PRKN: variants seen among roughly 807,000 people sequenced by gnomAD.
PRKN encodes the protein E3 ubiquitin-protein ligase parkin.
In PRKN, 56 loss-of-function variants were observed where a neutral mutation model predicts 59.5. The observed-to-expected ratio is 0.94, with a 90% CI of 0.76 to 1.18. The LOEUF is 1.18. Among genes scored for constraint, PRKN ranks in the 50% most tolerant of loss-of-function variants. The pLI, the probability that PRKN is intolerant of heterozygous loss-of-function variation, is 0.00. For missense variants in PRKN, 657 were observed against 596.4 expected (o/e 1.10, Z -1.06); for synonymous variants, 250 against 222.1 (o/e 1.13, Z -1.12).
intron 6 of PRKN, among the ~76,000 whole-genome samples, chr6:161,796,044 TC>T (rs1423764337): frequency 6.6e-6 from 1 of 152,166 alleles, no homozygotes; most frequent in East Asian, 1.9e-4. Flanking sequence ...TTATATAATA[TC>T]CCAAGTGTGG....
rs1002646211 is a variant in PRKN at position 162,061,074 on chromosome 6, T to A, written c.535-6900A>T. On this transcript the variant is annotated intron_variant, in intron 4 of 11. Transcript: ENST00000366898. ...TCTATCTGTGTCTGCAACAAAATGA[T>A]ACAAAGAAGGAGCTTTGAAGTTCAC... Among the ~76,000 whole-genome samples the A allele has an allele frequency of 3.9e-5, 6 of 152,296 alleles. No individual in the cohort carries two copies. The East Asian group carries it at 9.6e-4, about 24-fold the overall frequency.
intron 1 of PRKN, among the ~76,000 whole-genome samples, chr6:162,559,781 C>A (rs916601203): frequency 6.6e-6 from 1 of 152,134 alleles, no homozygotes; most frequent in Non-Finnish European, 1.5e-5. Flanking sequence ...TATTCCTTAC[C>A]AATAAGCAAC....
At chr6:162,611,986 C>A (rs2846537) in intron 1 of PRKN, among the ~76,000 whole-genome samples, 1 of 150,688 alleles carries the variant, frequency 6.6e-6, no homozygotes, top group Admixed American at 6.6e-5. Flanking sequence ...GAGATCGAGA[C>A]CATCCTGGCT....
At chr6:162,619,047 C>A (rs1782546468) in intron 1 of PRKN, among the ~76,000 whole-genome samples, 1 of 151,906 alleles carries the variant, frequency 6.6e-6, no homozygotes, top group South Asian at 2.1e-4. Flanking sequence ...AATAACTTTA[C>A]AAAACAAACT....
rs1404182355 is a variant in PRKN at position 161,371,553 on chromosome 6, A to C, written c.1168-11348T>G. Among the ~76,000 whole-genome samples the C allele has an allele frequency of 6.6e-6, 1 of 152,064 alleles. No individual in the cohort carries two copies. The highest frequency in any genetic ancestry group is 1.5e-5 in the Non-Finnish European group (1 of 68,024). ...AGGGCTCCGGGGAATACAAGGCTAC[A>C]CTGTAAGCAATACAAGGCTACTCCA... On this transcript the variant is annotated intron_variant, in intron 10 of 11. Coordinates refer to ENST00000366898, the MANE Select transcript of PRKN (RefSeq NM_004562.3). This position sits in a 1 kb window ranked among gnomAD's most constrained non-coding sequence, Gnocchi z 5.5.
In PRKN at chr6:162,254,328, G is replaced by C. The variant is rs1001695180; in HGVS notation, c.412+8197C>G. On this transcript the variant is annotated intron_variant, in intron 3 of 11. Coordinates refer to ENST00000366898, the MANE Select transcript of PRKN (RefSeq NM_004562.3). ...AAAAATTAGCTGGGCATGGTGGTGG[G>C]TGCCTGTAATCCCAGCTTCTCTGGA... Among the ~76,000 whole-genome samples, 24 of 151,838 alleles carry C rather than the reference G, an allele frequency of 1.6e-4. No individual in the cohort carries two copies. The South Asian group carries it at 2.1e-3, about 13-fold the overall frequency.
At chr6:161,970,230 C>T (rs773751627) in intron 6 of PRKN, among the ~76,000 whole-genome samples, 5 of 151,580 alleles carry the variant, frequency 3.3e-5, no homozygotes. Context: ...TTTGTAGGGA[C>T]AGGGTCTTGC....
intron 1 of PRKN, among the ~76,000 whole-genome samples, chr6:162,679,348 C>T (rs1400969028): frequency 6.6e-6 from 1 of 152,074 alleles, no homozygotes; most frequent in Non-Finnish European, 1.5e-5. Flanking sequence ...AAGTGATCCG[C>T]CCACCTCGGC....
chr6:161,852,103 T>G (rs1309536077), intron 6 of PRKN, among the ~76,000 whole-genome samples: 1 of 120,354 alleles, frequency 8.3e-6, no homozygotes, highest in Non-Finnish European at 1.7e-5. Context: ...AAAAAAAAAA[T>G]TAATTGTTAC....
chr6:162,181,317 C>A (rs1318586991), intron 4 of PRKN, among the ~76,000 whole-genome samples: 2 of 152,170 alleles, frequency 1.3e-5, no homozygotes, highest in African/African-American at 4.8e-5. Context: ...TTGCATATTT[C>A]TTTGCTATTT....
At chr6:162,017,977 G>C (rs1262999732) in intron 5 of PRKN, among the ~76,000 whole-genome samples, 10 of 152,152 alleles carry the variant, frequency 6.6e-5, no homozygotes, top group Admixed American at 6.5e-4. Flanking sequence ...TGACCCTGCG[G>C]GAAAGATCTG....
chr6:161,532,911 C>T (rs1779277466), intron 9 of PRKN, among the ~76,000 whole-genome samples: 1 of 152,108 alleles, frequency 6.6e-6, no homozygotes, highest in South Asian at 2.1e-4. Flanking sequence ...CAATATGAAA[C>T]CCTCTTATAC....
intron 2 of PRKN, among the ~76,000 whole-genome samples, chr6:162,324,434 G>A (rs1221592287): frequency 3.3e-5 from 5 of 152,102 alleles, no homozygotes; most frequent in African/African-American, 9.7e-5. Flanking sequence ...ATTGTATGTT[G>A]ATTATGCCTC....
chr6:162,313,305 A>G (rs545426226), intron 2 of PRKN, among the ~76,000 whole-genome samples: 3 of 151,898 alleles, frequency 2.0e-5, no homozygotes, highest in Non-Finnish European at 4.4e-5. Flanking sequence ...CCAACATTTT[A>G]CCTTCTAGTC....
chr6:162,149,117 A>G (rs899728781), intron 4 of PRKN, among the ~76,000 whole-genome samples: 14 of 152,160 alleles, frequency 9.2e-5, no homozygotes, highest in African/African-American at 3.4e-4. Context: ...TCCCAGTAGG[A>G]CAATTCATTG....
intron 11 of PRKN, 79 bp from the exon 12 acceptor site, chr6:161,350,290 A>G (rs1784477176): frequency 3.4e-6 from 3 of 887,386 alleles, no homozygotes; most frequent in Non-Finnish European, 5.5e-6. Flanking sequence ...CCAGCACGCT[A>G]GCCTAGACAT....
intron 4 of PRKN, among the ~76,000 whole-genome samples, chr6:162,110,314 A>G (rs1298558499): frequency 6.6e-6 from 1 of 152,156 alleles, no homozygotes; most frequent in Non-Finnish European, 1.5e-5. Flanking sequence ...TAGAAGCAAA[A>G]ACATTGGTAG....
At chr6:162,063,115 A>G (rs1306425945) in intron 4 of PRKN, among the ~76,000 whole-genome samples, 2 of 152,232 alleles carry the variant, frequency 1.3e-5, no homozygotes, top group Non-Finnish European at 2.9e-5. Flanking sequence ...AAAGGAATGT[A>G]TAAATTGAAT....
chr6:161,379,436 C>G lies in PRKN; in HGVS notation c.1167+7358G>C, dbSNP rs941409691. ...TTCCATTTGTACATTTCTCCAGTCT[C>G]TCTCATTCCACAAGCAAATGTCTCC... On this transcript the variant is annotated intron_variant, in intron 10 of 11. Coordinates refer to ENST00000366898, the MANE Select transcript of PRKN (RefSeq NM_004562.3). The surrounding 1 kb of genome is among the most constrained non-coding windows in gnomAD (Gnocchi z 4.9). Among the ~76,000 whole-genome samples, 47 of 152,194 alleles carry G rather than the reference C, an allele frequency of 3.1e-4. No homozygotes were observed. The highest frequency in any genetic ancestry group is 1.1e-3 in the African/African-American group (47 of 41,434).
Sources: gnomAD v4.1 joint callset for allele counts (sites outside exome capture counted in the v4.1 genomes callset) on GRCh38, gnomAD v4.1.1 for gene constraint, Gnocchi (gnomAD v3.1) non-coding constraint, MANE v1.5 for transcripts, NCBI Gene and HGNC (gene_info 2026-07-23, HGNC 2026-07-21) for gene names.